Variants in CCT8 observed in about 807,000 individuals in gnomAD.
CCT8 encodes T-complex protein 1 subunit theta.
In CCT8, 10 loss-of-function variants were observed where a neutral mutation model predicts 65.7. The observed-to-expected ratio is 0.15, with a 90% CI of 0.09 to 0.26. The LOEUF is 0.26. CCT8 is among the 10% of genes least tolerant of loss of function. The pLI is 1.00. For missense variants in CCT8, 568 were observed against 669.1 expected, an observed-to-expected ratio of 0.85 and a Z score of 1.67; for synonymous variants, 199 against 221.8, an observed-to-expected ratio of 0.90 and a Z score of 0.92.
At chr21:29,070,358 A>G in intron 1 of CCT8, 21 bp from the exon 2 acceptor site, 1 of 1,493,878 alleles carries the variant, frequency 6.7e-7, no homozygotes, top group Non-Finnish European at 9.2e-7. Flanking sequence ...AAACAAACAA[A>G]AAACCCCGCT....
chr21:29,065,911 C>T (rs1317947443), intron 6 of CCT8, among the ~76,000 whole-genome samples: 2 of 151,386 alleles, frequency 1.3e-5, no homozygotes, highest in Non-Finnish European at 2.9e-5. Flanking sequence ...TGAAACCCTG[C>T]CTCTACTAAA....
intron 11 of CCT8, 78 bp downstream of exon 11, chr21:29,062,048 AAG>A: frequency 3.3e-6 from 3 of 919,490 alleles, no homozygotes; most frequent in South Asian, 2.8e-5. Flanking sequence ...CATGATGTGC[AAG>A]AGTCTGCAAA....
intron 1 of CCT8, chr21:29,072,090 GTAAGA>G (rs1259713388): frequency 4.9e-4 from 309 of 631,674 alleles, no homozygotes; most frequent in Non-Finnish European, 7.8e-4. Context: ...TTCCCCCTAA[GTAAGA>G]GGTCGGGGGA....
intron 11 of CCT8, 148 bp downstream of exon 11, chr21:29,061,980 T>G (rs2085569180): frequency 9.6e-6 from 6 of 625,604 alleles, no homozygotes; most frequent in South Asian, 8.5e-5. Flanking sequence ...CACTTAAGTC[T>G]TAGGTAAAAA....
chr21:29,056,564 A>G lies in CCT8; in HGVS notation c.1570-12T>C. The G allele has an allele frequency of 6.5e-7, 1 of 1,530,162 alleles. No homozygotes were observed. Among genetic ancestry groups the G allele is most frequent in the Non-Finnish European group, 8.8e-7 (1 of 1,134,126 alleles). 94.8% of individuals were successfully genotyped at this position (1,530,162 alleles called of 1,614,324 possible). A position where few individuals can be genotyped will look rare whatever the true frequency, so the allele number is the denominator to read the frequency against. The stretch of plus-strand genomic sequence containing the variant: ...TTTGCCATGATGATCTGCATAAAAA[A>G]GAATCACACAAGAGTATGCTTATCA... On this transcript the variant is annotated splice_polypyrimidine_tract_variant and intron_variant, in intron 14 of 14. Transcript: ENST00000286788.
intron 6 of CCT8, among the ~76,000 whole-genome samples, chr21:29,065,307 C>T (rs2085609845): frequency 2.6e-5 from 4 of 152,184 alleles, no homozygotes; most frequent in Admixed American, 2.6e-4. Flanking sequence ...GAATGAGCTA[C>T]TTTTAGGGAG....
In CCT8 at chr21:29,061,496, C is replaced by T. The variant is rs1273610269; in HGVS notation, c.1284G>A (p.Glu428=). 1.9e-6 allele frequency: 3 copies of T among 1,613,722 alleles called. No homozygotes were observed. The highest frequency in any genetic ancestry group is 2.5e-6 in the Non-Finnish European group (3 of 1,179,696). Residue 428 remains glutamate, a splice_region_variant and synonymous_variant, in exon 12 of 15, where the codon GAG becomes GAA. Coordinates refer to ENST00000286788, the MANE Select transcript of CCT8 (RefSeq NM_006585.4). The part of the protein sequence containing the change: ...ELAKQITSYG[E]TCPGLEQYAI... The stretch of plus-strand genomic sequence containing the variant: ...TCAATTTATACAGAAAAAGCTGTAC[C>T]TCTCCATATGATGTGATCTGTTTGG...
chr21:29,061,705 A>G (rs1477747784), intron 11 of CCT8, 138 bp from the exon 12 acceptor site: 8 of 874,558 alleles, frequency 9.1e-6, no homozygotes, highest in Admixed American at 2.6e-5. Context: ...ACTCAAATAC[A>G]TATTACAAAT....
intron 3 of CCT8, among the ~76,000 whole-genome samples, chr21:29,067,973 G>C (rs1013518542): frequency 1.3e-5 from 2 of 152,196 alleles, no homozygotes; most frequent in Admixed American, 6.5e-5. Flanking sequence ...CCACACATAT[G>C]TTTCACCATA....
Position 29,067,754 on chromosome 21 carries a change from A to G in CCT8, c.232-49T>C, listed in dbSNP as rs768661272. The G allele has an allele frequency of 6.9e-6, 9 of 1,305,802 alleles. No individual in the cohort carries two copies. The Admixed American group carries it at 1.5e-4, about 22-fold the overall frequency. 80.9% of individuals were successfully genotyped at this position (1,305,802 alleles called of 1,614,324 possible). A position where few individuals can be genotyped will look rare whatever the true frequency, so the allele number is the denominator to read the frequency against. On this transcript the variant is annotated intron_variant, in intron 3 of 14. Transcript: ENST00000286788. ...TTAAACATCTGATCCTTAAAGCAAC[A>G]TAAAATTGTTCATTTCCATTTCTTA...
chr21:29,057,166 C>CTT (rs10708433), intron 14 of CCT8, among the ~76,000 whole-genome samples: 4 of 139,048 alleles, frequency 2.9e-5, no homozygotes, highest in Non-Finnish European at 3.1e-5. Context: ...TAGGTTTTAG[C>CTT]TTTTTTTTTT....
chr21:29,068,312 G>A (rs879646502), intron 3 of CCT8, among the ~76,000 whole-genome samples: 6 of 152,092 alleles, frequency 3.9e-5, no homozygotes, highest in Admixed American at 2.0e-4. Context: ...TTATTATTTT[G>A]ACGGTATCAC....
At chr21:29,071,504 T>C (rs1032102225) in intron 1 of CCT8, among the ~76,000 whole-genome samples, 1 of 149,052 alleles carries the variant, frequency 6.7e-6, no homozygotes, top group Non-Finnish European at 1.5e-5. Flanking sequence ...CAAGCAATTC[T>C]GGAGGCTCAG....
intron 14 of CCT8, among the ~76,000 whole-genome samples, chr21:29,057,775 T>G (rs982192814): frequency 6.9e-6 from 1 of 145,218 alleles, no homozygotes; most frequent in African/African-American, 2.7e-5. Flanking sequence ...ATATATATGA[T>G]ATATATGAGA....
At chr21:29,070,452 T>C (rs1290574118) in intron 1 of CCT8, 115 bp from the exon 2 acceptor site, 2 of 562,466 alleles carry the variant, frequency 3.6e-6, no homozygotes, top group African/African-American at 3.9e-5. Flanking sequence ...GGAGCATAGC[T>C]TAGGTATTTG....
At chr21:29,067,435 T>C (rs948188327) in intron 4 of CCT8, 121 bp downstream of exon 4, 64 of 701,832 alleles carry the variant, frequency 9.1e-5, no homozygotes, top group Non-Finnish European at 1.1e-4. Context: ...TAATGGCTGG[T>C]ACAGAGCAAA....
intron 8 of CCT8, 165 bp from the exon 9 acceptor site, chr21:29,062,721 A>G: frequency 1.6e-6 from 1 of 626,338 alleles, no homozygotes; most frequent in Non-Finnish European, 2.8e-6. Context: ...AAGGCCAGGA[A>G]GCTGATTCCT....
chr21:29,067,630 A>C lies in CCT8; in HGVS notation c.307T>G (p.Phe103Val). The C allele has an allele frequency of 1.4e-6, 2 of 1,417,720 alleles. No homozygotes were observed. Among genetic ancestry groups the C allele is most frequent in the South Asian group, 3.6e-5 (2 of 55,406 alleles). 87.8% of individuals were successfully genotyped at this position (1,417,720 alleles called of 1,614,324 possible). A position where few individuals can be genotyped will look rare whatever the true frequency, so the allele number is the denominator to read the frequency against. The change falls in exon 4 of 15, where the codon TTT becomes GTT. Residue 103 changes from phenylalanine (F) to valine (V), a missense_variant. Coordinates refer to ENST00000286788, the MANE Select transcript of CCT8 (RefSeq NM_006585.4). ...AGAGCTCCAGCAAATACCAGAACAAAGTTTGTGCCATCTCCAACTTCTTGC... is the reference window on the plus strand; with the variant it reads ...AGAGCTCCAGCAAATACCAGAACAACGTTTGTGCCATCTCCAACTTCTTGC... ...QEQEVGDGTN[F>V]VLVFAGALLE...
In CCT8 at chr21:29,066,891, C is replaced by A. The variant is rs137862783; in HGVS notation, c.562G>T (p.Val188Leu). 2.5e-6 allele frequency: 4 copies of A among 1,602,864 alleles called. No individual in the cohort carries two copies. The African/African-American group carries it at 4.0e-5, about 16-fold the overall frequency. The change falls in exon 5 of 15, where the codon GTA becomes TTA. Residue 188 changes from valine (V) to leucine (L), a missense_variant and splice_region_variant. Physicochemically the swap from Val to Leu is conservative, Grantham distance 32. Coordinates refer to ENST00000286788, the MANE Select transcript of CCT8 (RefSeq NM_006585.4). ...TTTTCATTTACTGATATTTACTTACCGCATGCCTGAGCAATAAGCTTGGCC... is the reference window on the plus strand; with the variant it reads ...TTTTCATTTACTGATATTTACTTACAGCATGCCTGAGCAATAAGCTTGGCC... ...FLAKLIAQAC[V>L]SIFPDSGHFN...
Sources: gnomAD v4.1 joint callset for allele counts (sites outside exome capture counted in the v4.1 genomes callset) on GRCh38, gnomAD v4.1.1 for gene constraint, MANE v1.5 for transcripts, NCBI Gene and HGNC (gene_info 2026-07-23, HGNC 2026-07-21) for gene names.